Variants in ALDH1A2 observed in about 807,000 individuals in gnomAD.
ALDH1A2 encodes the protein aldehyde dehydrogenase 1 family member A2.
A neutral mutation model predicts 60.3 loss-of-function variants in ALDH1A2; 27 were observed. The ratio of observed to expected loss-of-function variants is 0.45; its 90% CI spans 0.33 to 0.62. The LOEUF (loss-of-function observed/expected upper bound fraction) is 0.62. ALDH1A2 is among the 20% of genes least tolerant of loss of function. The pLI is 0.02. For missense variants in ALDH1A2, 581 were observed against 643.8 expected (o/e 0.90, Z 1.06); for synonymous variants, 289 against 232.4 (o/e 1.24, Z -2.21).
Position 58,030,428 on chromosome 15 carries a change from A to G in ALDH1A2, c.118-16147T>C, listed in dbSNP as rs564768563. On this transcript the variant is annotated intron_variant, in intron 1 of 12. Coordinates refer to ENST00000249750, the MANE Select transcript of ALDH1A2 (RefSeq NM_003888.4). ...GCTATTTATGACAAACTCACAGCCAATATCATACTGAATGGGCAAAAACTA... is the reference window on the plus strand; with the variant it reads ...GCTATTTATGACAAACTCACAGCCAGTATCATACTGAATGGGCAAAAACTA... Among the ~76,000 whole-genome samples, 287 of 152,342 alleles carry G rather than the reference A, an allele frequency of 1.9e-3. 1 individual carries two copies. The highest frequency in any genetic ancestry group is 3.6e-3 in the Non-Finnish European group (246 of 68,032).
chr15:58,029,444 A>G (rs1330537934), intron 1 of ALDH1A2, among the ~76,000 whole-genome samples: 1 of 152,202 alleles, frequency 6.6e-6, no homozygotes, highest in Non-Finnish European at 1.5e-5. Flanking sequence ...AGAAAGCAGG[A>G]AAGATCTAAA....
rs765253273 is a variant in ALDH1A2 at position 57,992,838 on chromosome 15, G to A, written c.685-20C>T. The A allele has an allele frequency of 3.1e-6, 5 of 1,613,906 alleles. No individual in the cohort carries two copies. In the African/African-American group the frequency reaches 5.3e-5, roughly 17 times the overall value. On this transcript the variant is annotated intron_variant, in intron 6 of 12. Transcript: ENST00000249750. ...GCCAGCCTAAGAAAACAGAACAGGA[G>A]GAAACGTGGCTGATGAAAGCTGATG... is the stretch of plus-strand genomic sequence containing the variant.
chr15:57,982,737 TA>T (rs1189980868), intron 7 of ALDH1A2, among the ~76,000 whole-genome samples: 24 of 152,228 alleles, frequency 1.6e-4, no homozygotes, highest in Non-Finnish European at 2.4e-4. Flanking sequence ...TGGTTAAGAA[TA>T]ATATAATCTG....
chr15:58,065,240 G>C lies in ALDH1A2; in HGVS notation c.117+294C>G, dbSNP rs555423521. On this transcript the variant is annotated intron_variant, in intron 1 of 12. Transcript: ENST00000249750. ...GCCTTCCCCCGCGGCAGTCGGGACC[G>C]GGAGAATCGGACAGAAACCAGCCTC... The C allele has an allele frequency of 9.4e-6, 4 of 424,162 alleles. No homozygotes were observed. The East Asian group carries it at 2.3e-4, about 24-fold the overall frequency. The allele number at this position is 424,162 out of a possible 1,614,324, so 26.3% of individuals were successfully genotyped here.
At chr15:57,978,576 C>G (rs1170844025) in intron 7 of ALDH1A2, among the ~76,000 whole-genome samples, 1 of 151,902 alleles carries the variant, frequency 6.6e-6, no homozygotes, top group East Asian at 1.9e-4. Context: ...TCCTTACAGA[C>G]AGAGGTTTTA....
At chr15:58,000,287 G>T (rs147287868) in intron 4 of ALDH1A2, among the ~76,000 whole-genome samples, 283 of 151,982 alleles carry the variant, frequency 1.9e-3, no homozygotes, top group Non-Finnish European at 3.0e-3. Flanking sequence ...CTGATCTGGG[G>T]TGCCTGACAA....
intron 4 of ALDH1A2, among the ~76,000 whole-genome samples, chr15:57,997,942 A>G (rs1895120135): frequency 6.6e-6 from 1 of 152,026 alleles, no homozygotes; most frequent in South Asian, 2.1e-4. Context: ...TTCCCAAAAG[A>G]GCACTGAGTT....
chr15:58,003,098 A>G (rs1181065531), intron 4 of ALDH1A2, among the ~76,000 whole-genome samples: 2 of 151,892 alleles, frequency 1.3e-5, no homozygotes, highest in Non-Finnish European at 2.9e-5. Context: ...CCACTACATG[A>G]TCGTAACAAA....
At chr15:57,974,805 C>T (rs952530278) in intron 7 of ALDH1A2, among the ~76,000 whole-genome samples, 3 of 152,144 alleles carry the variant, frequency 2.0e-5, no homozygotes, top group Non-Finnish European at 4.4e-5. Context: ...TTAAGAGACA[C>T]TGGGAGAAAT....
At chr15:57,994,050 G>C (rs1894976757) in intron 5 of ALDH1A2, among the ~76,000 whole-genome samples, 2 of 152,200 alleles carry the variant, frequency 1.3e-5, no homozygotes, top group Admixed American at 1.3e-4. Flanking sequence ...CAGTAATTGA[G>C]CCAGAGCTGG....
intron 7 of ALDH1A2, among the ~76,000 whole-genome samples, chr15:57,986,706 C>T (rs1385857538): frequency 1.3e-5 from 2 of 151,870 alleles, no homozygotes; most frequent in African/African-American, 4.8e-5. Context: ...GAGTCTCACT[C>T]CCGTCGCCCA....
intron 1 of ALDH1A2, among the ~76,000 whole-genome samples, chr15:58,055,739 T>G (rs1206368876): frequency 6.6e-6 from 1 of 152,038 alleles, no homozygotes; most frequent in Non-Finnish European, 1.5e-5. Context: ...AACACAAAGG[T>G]AAATATATAC....
chr15:57,967,977 T>C (rs989660980), intron 7 of ALDH1A2, among the ~76,000 whole-genome samples: 2 of 152,092 alleles, frequency 1.3e-5, no homozygotes, highest in African/African-American at 2.4e-5. Flanking sequence ...AAGGGGGAAC[T>C]CACACCGAAG....
chr15:57,975,951 C>G (rs1392873709), intron 7 of ALDH1A2, among the ~76,000 whole-genome samples: 1 of 152,074 alleles, frequency 6.6e-6, no homozygotes, highest in African/African-American at 2.4e-5. Flanking sequence ...CAAGACTTAT[C>G]AAATTGTACA....
At chr15:58,043,411 G>A (rs1284773303) in intron 1 of ALDH1A2, among the ~76,000 whole-genome samples, 1 of 151,948 alleles carries the variant, frequency 6.6e-6, no homozygotes, top group African/African-American at 2.4e-5. Context: ...GGCCACCAGT[G>A]GGCGCTCAAT....
At chr15:58,030,669 T>G (rs760731111) in intron 1 of ALDH1A2, among the ~76,000 whole-genome samples, 1 of 151,054 alleles carries the variant, frequency 6.6e-6, no homozygotes, top group Non-Finnish European at 1.5e-5. Context: ...ATCTCCTTAA[T>G]AGGCAACTTC....
intron 7 of ALDH1A2, chr15:57,979,760 C>A (rs558056006): frequency 5.6e-4 from 145 of 260,538 alleles, no homozygotes; most frequent in African/African-American, 2.7e-3. Flanking sequence ...TATTCAGGGA[C>A]CTCTCCTGGG....
chr15:57,994,678 T>A (rs565831923), intron 5 of ALDH1A2, among the ~76,000 whole-genome samples: 5 of 152,034 alleles, frequency 3.3e-5, no homozygotes, highest in Non-Finnish European at 7.4e-5. Context: ...AAAGAAACAG[T>A]GGGAAAGAAT....
Position 58,037,882 on chromosome 15 carries a change from T to A in ALDH1A2, c.118-23601A>T, listed in dbSNP as rs371739268. On this transcript the variant is annotated intron_variant, in intron 1 of 12. Transcript: ENST00000249750. ...GTATAAAAAGGACTTTGATATCAGT[T>A]GAACTCAAAAAGACACACTTTGTGT... Among the ~76,000 whole-genome samples the A allele has an allele frequency of 7.2e-5, 11 of 151,866 alleles. No homozygotes were observed. The East Asian group carries it at 7.8e-4, about 11-fold the overall frequency.
Sources: gnomAD v4.1 joint callset for allele counts (sites outside exome capture counted in the v4.1 genomes callset) on GRCh38, gnomAD v4.1.1 for gene constraint, MANE v1.5 for transcripts, NCBI Gene and HGNC (gene_info 2026-07-23, HGNC 2026-07-21) for gene names.